CELF4: variants seen among roughly 807,000 people sequenced by gnomAD.
CELF4 encodes the protein CUGBP Elav-like family member 4, also known as CUG-BP- and ETR-3-like factor 4.
A neutral mutation model predicts 59.9 loss-of-function variants in CELF4; 18 were observed. That is an observed-to-expected ratio of 0.30 (90% CI 0.21 to 0.45). The LOEUF (loss-of-function observed/expected upper bound fraction) is 0.45. Ranked by LOEUF, CELF4 falls within the 20% of genes least tolerant of loss-of-function variation. The pLI is 1.00. For synonymous variants in CELF4, 261 were observed against 267.1 expected (o/e 0.98, Z 0.22); for missense variants, 456 against 689.0 (o/e 0.66, Z 3.79).
intron 1 of CELF4, among the ~76,000 whole-genome samples, chr18:37,487,995 G>A (rs906106093): frequency 1.3e-4 from 20 of 151,128 alleles, no homozygotes; most frequent in African/African-American, 4.4e-4. Context: ...TCTCCTTCCA[G>A]TCTTCCCCTG....
chr18:37,366,821 A>T (rs1200765419), intron 2 of CELF4, among the ~76,000 whole-genome samples: 2 of 152,050 alleles, frequency 1.3e-5, no homozygotes, highest in African/African-American at 2.4e-5. Flanking sequence ...CACTACATCC[A>T]GAGCCTCCCT....
intron 2 of CELF4, among the ~76,000 whole-genome samples, chr18:37,374,200 A>G (rs1216343482): frequency 6.6e-6 from 1 of 152,126 alleles, no homozygotes; most frequent in East Asian, 1.9e-4. Flanking sequence ...CCACCTCACC[A>G]TGCACCCTTC....
chr18:37,447,062 A>T (rs987734907), intron 2 of CELF4, among the ~76,000 whole-genome samples: 1 of 152,226 alleles, frequency 6.6e-6, no homozygotes, highest in African/African-American at 2.4e-5. Context: ...GATGCAATAA[A>T]ATCCTGCCAT....
At chr18:37,334,993 G>A (rs1034350625) in intron 2 of CELF4, among the ~76,000 whole-genome samples, 8 of 150,030 alleles carry the variant, frequency 5.3e-5, no homozygotes, top group African/African-American at 7.4e-5. Flanking sequence ...TCACTCCCTC[G>A]CTCCCTCCCT....
At chr18:37,312,720 G>A (rs1305036560) in intron 3 of CELF4, among the ~76,000 whole-genome samples, 2 of 152,172 alleles carry the variant, frequency 1.3e-5, no homozygotes, top group African/African-American at 4.8e-5. Flanking sequence ...GACTCATAGG[G>A]TAGGGGTAGG....
At chr18:37,491,491 G>A (rs572747203) in intron 1 of CELF4, among the ~76,000 whole-genome samples, 11 of 152,222 alleles carry the variant, frequency 7.2e-5, no homozygotes, top group South Asian at 4.2e-4. Flanking sequence ...GGGTGGAGAC[G>A]GGCTCTTCTA....
chr18:37,278,621 C>A (rs2093710449), intron 3 of CELF4, among the ~76,000 whole-genome samples: 1 of 152,204 alleles, frequency 6.6e-6, no homozygotes, highest in Non-Finnish European at 1.5e-5. Flanking sequence ...GAGGTAATTA[C>A]CATGGCGATG....
At chr18:37,286,508 A>C (rs1247286833) in intron 3 of CELF4, among the ~76,000 whole-genome samples, 4 of 152,170 alleles carry the variant, frequency 2.6e-5, no homozygotes, top group Non-Finnish European at 5.9e-5. Flanking sequence ...CCATCGCCAG[A>C]GACACAGTGA....
At chr18:37,336,061 G>A (rs548825099) in intron 2 of CELF4, among the ~76,000 whole-genome samples, 5 of 152,136 alleles carry the variant, frequency 3.3e-5, no homozygotes, top group African/African-American at 1.2e-4. Context: ...TCTTCGCAGC[G>A]CACTTCTGAG....
At chr18:37,498,364 C>T (rs1022219137) in intron 1 of CELF4, among the ~76,000 whole-genome samples, 1 of 131,366 alleles carries the variant, frequency 7.6e-6, no homozygotes, top group African/African-American at 2.9e-5. Flanking sequence ...CCCTCCCTTT[C>T]CTTTCCTTTC....
intron 1 of CELF4, among the ~76,000 whole-genome samples, chr18:37,542,331 C>T (rs183840793): frequency 2.0e-5 from 3 of 152,232 alleles, no homozygotes; most frequent in African/African-American, 4.8e-5. Flanking sequence ...ATTGAGTGCT[C>T]GCTGTGCACC....
intron 1 of CELF4, among the ~76,000 whole-genome samples, chr18:37,557,398 G>A (rs1568299017): frequency 1.3e-5 from 2 of 152,192 alleles, no homozygotes; most frequent in Non-Finnish European, 2.9e-5. Flanking sequence ...TCACAATCCC[G>A]GTCCTTGAAC....
At chr18:37,391,484 G>A (rs1326782008) in intron 2 of CELF4, among the ~76,000 whole-genome samples, 1 of 152,176 alleles carries the variant, frequency 6.6e-6, no homozygotes, top group Admixed American at 6.5e-5. Flanking sequence ...GGTCCCATGT[G>A]GTCGAACAGT....
intron 2 of CELF4, among the ~76,000 whole-genome samples, chr18:37,469,302 T>C (rs970356927): frequency 1.3e-5 from 2 of 152,080 alleles, no homozygotes; most frequent in African/African-American, 4.8e-5. Flanking sequence ...TCCTCCTGTA[T>C]GGCACAGACA....
chr18:37,305,875 C>T (rs543535689), intron 3 of CELF4: 53 of 152,392 alleles, frequency 3.5e-4, no homozygotes, highest in African/African-American at 1.2e-3. Context: ...TTTGATTCTA[C>T]ATCTGTCCCT....
chr18:37,394,346 C>T (rs2099212276), intron 2 of CELF4, among the ~76,000 whole-genome samples: 1 of 152,210 alleles, frequency 6.6e-6, no homozygotes, highest in Admixed American at 6.5e-5. Context: ...TCGCGTGCAG[C>T]CGCCGTGACC....
intron 1 of CELF4, among the ~76,000 whole-genome samples, chr18:37,508,619 G>T (rs2099940845): frequency 6.6e-6 from 1 of 152,270 alleles, no homozygotes; most frequent in African/African-American, 2.4e-5. Context: ...CACAGGTGCA[G>T]CTGCAGGGGA....
intron 1 of CELF4, among the ~76,000 whole-genome samples, chr18:37,486,906 T>A (rs1338658135): frequency 6.6e-6 from 1 of 152,210 alleles, no homozygotes; most frequent in Non-Finnish European, 1.5e-5. Flanking sequence ...AAGAATCTGA[T>A]CAAGTTCTAC....
chr18:37,488,558 C>T (rs2099887337), intron 1 of CELF4, among the ~76,000 whole-genome samples: 3 of 152,104 alleles, frequency 2.0e-5, no homozygotes, highest in Non-Finnish European at 4.4e-5. Flanking sequence ...CAGAGGTTGC[C>T]TGAGAGTTGA....
Sources: gnomAD v4.1 joint callset for allele counts (sites outside exome capture counted in the v4.1 genomes callset) on GRCh38, gnomAD v4.1.1 for gene constraint, MANE v1.5 for transcripts, NCBI Gene and HGNC (gene_info 2026-07-23, HGNC 2026-07-21) for gene names.